ADAM19: variants seen among roughly 807,000 people sequenced by gnomAD.
ADAM19 encodes disintegrin and metalloproteinase domain-containing protein 19.
In ADAM19, 65 loss-of-function variants were observed where a neutral mutation model predicts 114.7. That is an observed-to-expected ratio of 0.57 (90% CI 0.46 to 0.70). The LOEUF (loss-of-function observed/expected upper bound fraction) is 0.70, where lower values mean the gene tolerates loss of function less well. Ranked by LOEUF, ADAM19 falls within the 30% of genes least tolerant of loss-of-function variation. ADAM19 has a pLI of 0.00. For missense variants in ADAM19, 1,063 were observed against 1,204.7 expected, an observed-to-expected ratio of 0.88 and a Z score of 1.74; for synonymous variants, 466 against 460.5, an observed-to-expected ratio of 1.01 and a Z score of -0.15.
chr5:157,561,261 A>C (rs1446902811), intron 3 of ADAM19, among the ~76,000 whole-genome samples: 1 of 152,200 alleles, frequency 6.6e-6, no homozygotes, highest in Non-Finnish European at 1.5e-5. Flanking sequence ...GCTGAAGCTC[A>C]CTTTGCTGTG....
intron 8 of ADAM19, among the ~76,000 whole-genome samples, chr5:157,510,636 A>G (rs1004502856): frequency 1.3e-5 from 2 of 152,166 alleles, no homozygotes; most frequent in Non-Finnish European, 1.5e-5. Flanking sequence ...TTTTCTGGAC[A>G]TTTGTTTTAC....
intron 1 of ADAM19, among the ~76,000 whole-genome samples, chr5:157,573,139 GA>G (rs1163951778): frequency 1.4e-4 from 22 of 152,248 alleles, no homozygotes; most frequent in Admixed American, 1.3e-3. Flanking sequence ...GCATTTAATG[GA>G]ATTAAATGAT....
intron 7 of ADAM19, among the ~76,000 whole-genome samples, chr5:157,516,598 G>A (rs1306771045): frequency 6.6e-6 from 1 of 152,174 alleles, no homozygotes; most frequent in African/African-American, 2.4e-5. Flanking sequence ...CCTTTAAACA[G>A]AGCAGCTGGG....
intron 5 of ADAM19, among the ~76,000 whole-genome samples, chr5:157,524,262 A>C (rs1423678395): frequency 6.6e-6 from 1 of 152,248 alleles, no homozygotes; most frequent in Non-Finnish European, 1.5e-5. Flanking sequence ...GCAAAGGCAG[A>C]ACTCAGCCAG....
intron 17 of ADAM19, 35 bp downstream of exon 17, chr5:157,491,800 C>T (rs1468492726): frequency 6.2e-7 from 1 of 1,613,088 alleles, no homozygotes; most frequent in South Asian, 1.1e-5. Flanking sequence ...TCATGACGTC[C>T]CCATGACACA....
intron 3 of ADAM19, among the ~76,000 whole-genome samples, chr5:157,541,698 G>A (rs983563503): frequency 2.7e-5 from 4 of 150,834 alleles, no homozygotes; most frequent in Non-Finnish European, 4.4e-5. Context: ...GCTCAGACCC[G>A]TCTTTCCTAA....
chr5:157,488,692 G>C (rs116419801), intron 20 of ADAM19, among the ~76,000 whole-genome samples: 296 of 152,272 alleles, frequency 1.9e-3, no homozygotes, highest in African/African-American at 6.9e-3. Flanking sequence ...GCCAATAAAA[G>C]GGCTTTTATT....
At chr5:157,570,315 C>G (rs28621556) in intron 2 of ADAM19, 31,193 of 152,234 alleles carry the variant, frequency 0.2, 4,564 homozygotes, top group African/African-American at 0.41. Context: ...AAAACCAGAA[C>G]CACAAAGAAT....
chr5:157,523,457 T>C (rs1033011294), intron 5 of ADAM19, among the ~76,000 whole-genome samples: 32 of 152,242 alleles, frequency 2.1e-4, no homozygotes, highest in East Asian at 1.9e-3. Context: ...ATCCTGGTGG[T>C]AATGAGAGAG....
intron 21 of ADAM19, among the ~76,000 whole-genome samples, chr5:157,483,753 C>T (rs1331841809): frequency 6.6e-6 from 1 of 151,874 alleles, no homozygotes; most frequent in Non-Finnish European, 1.5e-5. Context: ...CTTGCCTCAG[C>T]CTCCTGAGTA....
At chr5:157,484,622 G>C (rs556186304) in intron 21 of ADAM19, among the ~76,000 whole-genome samples, 14 of 152,316 alleles carry the variant, frequency 9.2e-5, no homozygotes, top group African/African-American at 3.4e-4. Context: ...TCCCCAAGAA[G>C]CTTCATGGAA....
chr5:157,559,654 T>C (rs1757459358), intron 3 of ADAM19, among the ~76,000 whole-genome samples: 1 of 152,202 alleles, frequency 6.6e-6, no homozygotes, highest in Non-Finnish European at 1.5e-5. Flanking sequence ...CAAATATGGG[T>C]TCCTGGGTTG....
At chr5:157,505,628 C>G in intron 11 of ADAM19, 41 bp downstream of exon 11, 1 of 1,606,730 alleles carries the variant, frequency 6.2e-7, no homozygotes, top group Non-Finnish European at 8.5e-7. Context: ...TCCAGGTGTG[C>G]CCGCCCTCCT....
At chr5:157,509,189 A>C (rs2113725612) in intron 9 of ADAM19, 112 bp downstream of exon 9, 2 of 1,114,952 alleles carry the variant, frequency 1.8e-6, no homozygotes, top group South Asian at 4.1e-5. Context: ...CCAGGGAGTC[A>C]GAATGGCCTT....
At position 157,480,178 on chromosome 5, in the gene ADAM19, G is replaced by A. The variant is rs892958918; in HGVS notation, c.*771C>T. On this transcript the variant is annotated 3_prime_UTR_variant, in exon 23 of 23. Coordinates refer to ENST00000257527, the MANE Select transcript of ADAM19 (RefSeq NM_033274.5). ...GAAAAGCGTGGGGCACCAGGAAAGTGCGGCAGAGAAAACAAAGAGCAACTA... is the reference window on the plus strand; with the variant it reads ...GAAAAGCGTGGGGCACCAGGAAAGTACGGCAGAGAAAACAAAGAGCAACTA... 4.1e-6 allele frequency: 4 copies of A among 986,074 alleles called. No individual in the cohort carries two copies. The African/African-American group carries it at 5.2e-5, about 13-fold the overall frequency. 61.1% of individuals were successfully genotyped at this position (986,074 alleles called of 1,614,324 possible).
At chr5:157,520,431 C>G (rs766196944) in intron 5 of ADAM19, among the ~76,000 whole-genome samples, 1 of 152,064 alleles carries the variant, frequency 6.6e-6, no homozygotes, top group Non-Finnish European at 1.5e-5. Context: ...AAAAGCCTCC[C>G]AAACCAAAAC....
intron 7 of ADAM19, among the ~76,000 whole-genome samples, chr5:157,516,192 C>T (rs986414610): frequency 6.6e-6 from 1 of 152,146 alleles, no homozygotes; most frequent in Admixed American, 6.5e-5. Context: ...CCCAGCCTGG[C>T]CTGTTACACA....
intron 21 of ADAM19, among the ~76,000 whole-genome samples, chr5:157,487,534 G>A (rs77433691): frequency 7.6e-4 from 116 of 152,308 alleles, no homozygotes; most frequent in African/African-American, 2.6e-3. Flanking sequence ...CCACCCGGCC[G>A]CCACCCAGGA....
intron 1 of ADAM19, chr5:157,572,258 T>C (rs1365691963): frequency 2.2e-5 from 10 of 455,936 alleles, no homozygotes; most frequent in South Asian, 1.4e-4. Context: ...GCTAATTTTT[T>C]TGTATTTTTA....
Sources: gnomAD v4.1 joint callset for allele counts (sites outside exome capture counted in the v4.1 genomes callset) on GRCh38, gnomAD v4.1.1 for gene constraint, MANE v1.5 for transcripts, NCBI Gene and HGNC (gene_info 2026-07-23, HGNC 2026-07-21) for gene names.